Variants in RXRA observed in about 807,000 individuals in gnomAD.
RXRA encodes retinoid X receptor alpha.
Under a neutral mutation model 44.5 loss-of-function variants are expected in RXRA, and 5 were observed. That is an observed-to-expected ratio of 0.11 (90% CI 0.06 to 0.24). RXRA has a LOEUF of 0.24. RXRA is among the 10% of genes least tolerant of loss of function. RXRA has a pLI of 1.00. For missense variants in RXRA, 412 were observed against 646.5 expected, an observed-to-expected ratio of 0.64 and a Z score of 3.93; for synonymous variants, 291 against 271.4, an observed-to-expected ratio of 1.07 and a Z score of -0.71.
chr9:134,391,845 G>C (rs901710766), intron 1 of RXRA, among the ~76,000 whole-genome samples: 2 of 152,338 alleles, frequency 1.3e-5, no homozygotes, highest in African/African-American at 4.8e-5. Flanking sequence ...TCTTGTTCCG[G>C]GCTTGGAAAC....
intron 1 of RXRA, among the ~76,000 whole-genome samples, chr9:134,338,063 G>A (rs1448321844): frequency 6.6e-6 from 1 of 152,222 alleles, no homozygotes; most frequent in Non-Finnish European, 1.5e-5. Flanking sequence ...GAGATGGGCG[G>A]TCAGCGGCAG....
At chr9:134,350,696 C>A (rs563203247) in intron 1 of RXRA, among the ~76,000 whole-genome samples, 11 of 152,236 alleles carry the variant, frequency 7.2e-5, no homozygotes, top group Non-Finnish European at 1.5e-4. Flanking sequence ...CAGCCTCCCC[C>A]GCAGGAGCAG....
chr9:134,360,147 G>C (rs937643714), intron 1 of RXRA, among the ~76,000 whole-genome samples: 3 of 152,180 alleles, frequency 2.0e-5, no homozygotes, highest in Non-Finnish European at 2.9e-5. Flanking sequence ...CGATTGCTCT[G>C]TCCTGCCTGG....
At chr9:134,415,167 G>A (rs59688025) in intron 4 of RXRA, among the ~76,000 whole-genome samples, 2 of 152,234 alleles carry the variant, frequency 1.3e-5, no homozygotes, top group African/African-American at 2.4e-5. Context: ...CTGTGTGGGC[G>A]GAAGTCCCTC....
At chr9:134,378,097 G>A (rs1006966651) in intron 1 of RXRA, among the ~76,000 whole-genome samples, 5 of 152,374 alleles carry the variant, frequency 3.3e-5, no homozygotes, top group East Asian at 1.9e-4. Flanking sequence ...TGTGGCTGGC[G>A]ACGAGGAGCT....
chr9:134,387,959 T>C (rs908757540), intron 1 of RXRA, among the ~76,000 whole-genome samples: 3 of 152,160 alleles, frequency 2.0e-5, no homozygotes, highest in Non-Finnish European at 4.4e-5. Context: ...GAGGTGACAT[T>C]GGGGGGTTTG....
At position 134,433,906 on chromosome 9, in the gene RXRA, C is replaced by T. The variant is rs566606295; in HGVS notation, c.1136-196C>T. Among the ~76,000 whole-genome samples, 3 of 152,102 alleles carry T rather than the reference C, an allele frequency of 2.0e-5. No homozygotes were observed. In the South Asian group the frequency reaches 6.2e-4, roughly 32 times the overall value. On this transcript the variant is annotated intron_variant, in intron 8 of 9. Transcript: ENST00000481739. This position sits in a 1 kb window ranked among gnomAD's most constrained non-coding sequence, Gnocchi z 4.2. ...CTGGACCCAGAGCAGCCTGGCCTGGCCGTGGGTTCCACAGTCGTCCCCCTG... is the reference window on the plus strand; with the variant it reads ...CTGGACCCAGAGCAGCCTGGCCTGGTCGTGGGTTCCACAGTCGTCCCCCTG...
chr9:134,340,645 G>A (rs1554748013), intron 1 of RXRA, among the ~76,000 whole-genome samples: 2 of 152,152 alleles, frequency 1.3e-5, no homozygotes, highest in African/African-American at 4.8e-5. Flanking sequence ...CTCGATGCAC[G>A]CCTCGGCCCG....
intron 1 of RXRA, among the ~76,000 whole-genome samples, chr9:134,383,575 G>A (rs964070384): frequency 6.6e-6 from 1 of 152,132 alleles, no homozygotes; most frequent in Non-Finnish European, 1.5e-5. Context: ...GGTGAGGGCC[G>A]GAAGAACCCA....
chr9:134,361,053 C>T (rs556610672), intron 1 of RXRA, among the ~76,000 whole-genome samples: 59 of 152,246 alleles, frequency 3.9e-4, no homozygotes, highest in Non-Finnish European at 7.6e-4. Context: ...CTGCCTCACC[C>T]CGGCCCTGCC....
chr9:134,420,593 A>T (rs950691068), intron 5 of RXRA, among the ~76,000 whole-genome samples: 4 of 152,252 alleles, frequency 2.6e-5, no homozygotes, highest in African/African-American at 9.6e-5. Flanking sequence ...TTTAGGCTGC[A>T]CGTCTCTGAT....
intron 1 of RXRA, chr9:134,379,608 A>G (rs34189335): frequency 0.82 from 806,787 of 985,278 alleles, 330,504 homozygotes; most frequent in East Asian, 0.86. Flanking sequence ...GCTCCCTGAC[A>G]GCCGCAGGGT....
Position 134,326,687 on chromosome 9 carries a change from C to CGGGGCCG in RXRA, c.28+44_28+50dup, listed in dbSNP as rs1406876818. On this transcript the variant is annotated intron_variant, in intron 1 of 9. Coordinates refer to ENST00000481739, the MANE Select transcript of RXRA (RefSeq NM_002957.6). The stretch of plus-strand genomic sequence containing the variant: ...GAGTGCTCGCCGGGCCGGGCGGGGA[C>CGGGGCCG]GGGGCCGGGGGCCGGGGGCCGGCGG... 96 of 772,228 alleles carry CGGGGCCG rather than the reference C, an allele frequency of 1.2e-4. 1 individual carries two copies. The highest frequency in any genetic ancestry group is 1.2e-3 in the South Asian group (20 of 17,046). The allele number at this position is 772,228 out of a possible 1,614,324, so 47.8% of individuals were successfully genotyped here. A position where few individuals can be genotyped will look rare whatever the true frequency, so the allele number is the denominator to read the frequency against.
chr9:134,393,016 GCTT>G (rs1830822888), intron 1 of RXRA, among the ~76,000 whole-genome samples: 1 of 106,208 alleles, frequency 9.4e-6, no homozygotes, highest in African/African-American at 3.0e-5. Flanking sequence ...TGGTTACTTG[GCTT>G]CTTCTTAAAA....
chr9:134,390,654 G>A (rs1362070898), intron 1 of RXRA, among the ~76,000 whole-genome samples: 1 of 152,212 alleles, frequency 6.6e-6, no homozygotes, highest in Non-Finnish European at 1.5e-5. Flanking sequence ...GGCTGGTGTC[G>A]TTGAGCTCCG....
In RXRA at chr9:134,339,345, G is replaced by C. The variant is rs1303878204; in HGVS notation, c.28+12686G>C. On this transcript the variant is annotated intron_variant, in intron 1 of 9. Transcript: ENST00000481739. Reference sequence around the variant, plus strand: ...CCCGTGAGCCTGTGTGGGCTTATGTGTGTGGCTGGGATTCCAGCCAGGGTT... The same window carrying C: ...CCCGTGAGCCTGTGTGGGCTTATGTCTGTGGCTGGGATTCCAGCCAGGGTT... 5.9e-5 allele frequency among the ~76,000 whole-genome samples: 9 copies of C among 152,140 alleles called. 1 individual carries two copies. The highest frequency in any genetic ancestry group is 1.5e-5 in the Non-Finnish European group (1 of 68,000).
chr9:134,411,247 G>A (rs935776843), intron 4 of RXRA, among the ~76,000 whole-genome samples: 2 of 152,168 alleles, frequency 1.3e-5, no homozygotes, highest in African/African-American at 2.4e-5. Flanking sequence ...GGGATCATCA[G>A]ACTCCAGCTG....
rs542682388 is a variant in RXRA at position 134,423,438 on chromosome 9, C to T, written c.910+1633C>T. On this transcript the variant is annotated intron_variant, in intron 6 of 9. Transcript: ENST00000481739. The stretch of plus-strand genomic sequence containing the variant: ...AAGTGGCAAGTGGAGAAGACACAGC[C>T]AGAGACGGGCTCCCTGTGAAGCAGG... 1.4e-5 allele frequency: 14 copies of T among 985,476 alleles called. No individual in the cohort carries two copies. The East Asian group carries it at 1.4e-3, about 96-fold the overall frequency. 61.0% of individuals were successfully genotyped at this position (985,476 alleles called of 1,614,324 possible).
intron 1 of RXRA, among the ~76,000 whole-genome samples, chr9:134,355,183 A>C (rs961145401): frequency 6.6e-6 from 1 of 152,130 alleles, no homozygotes; most frequent in Non-Finnish European, 1.5e-5. Flanking sequence ...GTTTGTCCTC[A>C]CCTGTGGGAA....
Sources: allele counts gnomAD v4.1 joint callset (sites outside exome capture counted in the v4.1 genomes callset), GRCh38; gene constraint gnomAD v4.1.1; non-coding constraint Gnocchi (gnomAD v3.1); transcripts MANE v1.5; gene names NCBI Gene and HGNC (gene_info 2026-07-23, HGNC 2026-07-21).